The following STXBP5L variants were observed in gnomAD, a reference collection of about 807,000 sequenced individuals.
STXBP5L encodes the protein syntaxin binding protein 5L.
Under a neutral mutation model 144.5 loss-of-function variants are expected in STXBP5L, and 65 were observed. The ratio of observed to expected loss-of-function variants is 0.45; its 90% CI spans 0.37 to 0.55. STXBP5L has a LOEUF of 0.55. STXBP5L is among the 20% of genes least tolerant of loss of function. The probability of loss-of-function intolerance (pLI) is 0.00; values close to 1 mark genes in which losing one functional copy is unlikely to be tolerated. For missense variants in STXBP5L, 1,298 were observed against 1,405.5 expected, an observed-to-expected ratio of 0.92 and a Z score of 1.22; for synonymous variants, 505 against 469.6, an observed-to-expected ratio of 1.08 and a Z score of -0.97.
At chr3:120,908,447 TTGA>T in intron 1 of STXBP5L, 113 bp downstream of exon 1, 4 of 155,814 alleles carry the variant, frequency 2.6e-5, no homozygotes, top group South Asian at 1.9e-4. Context: ...GTGTGTGTGT[TTGA>T]GAGAGAGAGA....
At chr3:120,999,938 C>T (rs1223108189) in intron 3 of STXBP5L, among the ~76,000 whole-genome samples, 7 of 152,108 alleles carry the variant, frequency 4.6e-5, no homozygotes, top group Admixed American at 6.6e-5. Flanking sequence ...ATATAGGCCC[C>T]CAGTCTTTTC....
intron 3 of STXBP5L, among the ~76,000 whole-genome samples, chr3:120,966,057 C>T (rs776139486): frequency 2.0e-4 from 30 of 152,100 alleles, no homozygotes; most frequent in Admixed American, 3.3e-4. Context: ...CCCTTTCTTC[C>T]ACTTGATCGA....
chr3:121,125,908 A>G (rs2044684533), intron 7 of STXBP5L, among the ~76,000 whole-genome samples: 2 of 152,076 alleles, frequency 1.3e-5, no homozygotes, highest in South Asian at 4.1e-4. Context: ...ACAAGTAATA[A>G]ATTCTTCCTC....
intron 22 of STXBP5L, among the ~76,000 whole-genome samples, chr3:121,391,832 G>A (rs766420353): frequency 6.6e-6 from 1 of 152,194 alleles, no homozygotes; most frequent in Non-Finnish European, 1.5e-5. Flanking sequence ...CTACTGGGAG[G>A]TGTCTTCCAG....
intron 7 of STXBP5L, among the ~76,000 whole-genome samples, chr3:121,135,730 C>G (rs908023348): frequency 6.6e-6 from 1 of 152,160 alleles, no homozygotes; most frequent in African/African-American, 2.4e-5. Flanking sequence ...CATTCACCTC[C>G]TGCTGTGTGG....
At chr3:121,013,058 T>G (rs1296374894) in intron 3 of STXBP5L, among the ~76,000 whole-genome samples, 1 of 151,950 alleles carries the variant, frequency 6.6e-6, no homozygotes, top group African/African-American at 2.4e-5. Context: ...TAGTATTGCA[T>G]GGTGTATATG....
chr3:120,968,739 A>G (rs1476820601), intron 3 of STXBP5L, among the ~76,000 whole-genome samples: 1 of 152,100 alleles, frequency 6.6e-6, no homozygotes, highest in Non-Finnish European at 1.5e-5. Flanking sequence ...TCCAAAGTCC[A>G]TTATATCACT....
chr3:121,097,934 G>A (rs976601675), intron 5 of STXBP5L, among the ~76,000 whole-genome samples: 4 of 152,024 alleles, frequency 2.6e-5, no homozygotes, highest in East Asian at 3.9e-4. Flanking sequence ...GTTGGTTTAC[G>A]TTGAACGTAA....
intron 12 of STXBP5L, 71 bp from the exon 13 acceptor site, chr3:121,238,900 T>C: frequency 7.2e-7 from 1 of 1,384,382 alleles, no homozygotes. Flanking sequence ...ATTTTAGGGC[T>C]TACTTTATCA....
At chr3:121,191,359 G>A (rs538080814) in intron 9 of STXBP5L, among the ~76,000 whole-genome samples, 23 of 152,304 alleles carry the variant, frequency 1.5e-4, no homozygotes, top group African/African-American at 4.1e-4. Context: ...CCAACACGGC[G>A]AAACCCTGTC....
At chr3:121,208,046 C>A (rs1377661230) in intron 10 of STXBP5L, among the ~76,000 whole-genome samples, 1 of 152,118 alleles carries the variant, frequency 6.6e-6, no homozygotes, top group Admixed American at 6.5e-5. Flanking sequence ...ATGTTTATTG[C>A]AGCACTATTC....
intron 5 of STXBP5L, among the ~76,000 whole-genome samples, chr3:121,090,848 T>C (rs2042747370): frequency 6.6e-6 from 1 of 152,118 alleles, no homozygotes; most frequent in South Asian, 2.1e-4. Context: ...TACATATGTA[T>C]ACATGTGACA....
chr3:121,041,713 G>T lies in STXBP5L; in HGVS notation c.301G>T (p.Gly101Cys), dbSNP rs375372992. Reference sequence around the variant, plus strand: ...TTATTATATTAGACTCGGGAGACCTGGTGTTGATTGCTATTGCCAACATGA... The same window carrying T: ...TTATTATATTAGACTCGGGAGACCTTGTGTTGATTGCTATTGCCAACATGA... ...TGAIRILGRP[G>C]VDCYCQHESG... Residue 101 changes from glycine to cysteine, a missense_variant, in exon 4 of 27, where the codon GGT becomes TGT. Gly to Cys is a radical substitution (Grantham distance 159). Transcript: ENST00000471454. The T allele has an allele frequency of 9.9e-6, 16 of 1,611,928 alleles. No homozygotes were observed. Among genetic ancestry groups the T allele is most frequent in the Non-Finnish European group, 1.3e-5 (15 of 1,178,600 alleles).
intron 20 of STXBP5L, among the ~76,000 whole-genome samples, chr3:121,367,316 G>T (rs569150607): frequency 2.6e-5 from 4 of 152,022 alleles, no homozygotes; most frequent in African/African-American, 9.7e-5. Context: ...CTTACAGGGC[G>T]GATCTGGTGG....
At chr3:121,243,220 G>A (rs1269200879) in intron 14 of STXBP5L, among the ~76,000 whole-genome samples, 1 of 152,160 alleles carries the variant, frequency 6.6e-6, no homozygotes, top group Non-Finnish European at 1.5e-5. Flanking sequence ...ATTCCTGGGT[G>A]CCACTGAGAG....
intron 20 of STXBP5L, chr3:121,324,552 A>G (rs1243469277): frequency 1.4e-6 from 1 of 698,692 alleles, no homozygotes; most frequent in Admixed American, 2.0e-5. Flanking sequence ...AATATCAGCT[A>G]TGAGACAGAG....
At chr3:121,418,657 C>T (rs1270482016) in intron 26 of STXBP5L, 100 bp downstream of exon 26, 2 of 1,106,502 alleles carry the variant, frequency 1.8e-6, no homozygotes, top group East Asian at 5.1e-5. Flanking sequence ...CATAAGTAAT[C>T]CTGTATGAGA....
chr3:121,065,613 A>G (rs9859088), intron 5 of STXBP5L, among the ~76,000 whole-genome samples: 15,116 of 152,180 alleles, frequency 0.099, 1,186 homozygotes, highest in Admixed American at 0.2. Flanking sequence ...TCACTATGTT[A>G]TTCAGGCTGG....
Position 121,159,865 on chromosome 3 carries a change from C to A in STXBP5L, c.877+2238C>A, listed in dbSNP as rs573266805. On this transcript the variant is annotated intron_variant, in intron 9 of 26. Transcript: ENST00000471454. The stretch of plus-strand genomic sequence containing the variant: ...GCCAGGATGGTCTCGATCTCCTGAC[C>A]TCGTGATCCGCCCGCCTCAGCCTCC... Among the ~76,000 whole-genome samples, 889 of 152,080 alleles carry A rather than the reference C, an allele frequency of 5.8e-3. 6 individuals carry two copies. Among genetic ancestry groups the A allele is most frequent in the Non-Finnish European group, 9.4e-3 (642 of 67,938 alleles).
Sources: gnomAD v4.1 joint callset for allele counts (sites outside exome capture counted in the v4.1 genomes callset) on GRCh38, gnomAD v4.1.1 for gene constraint, MANE v1.5 for transcripts, NCBI Gene and HGNC (gene_info 2026-07-23, HGNC 2026-07-21) for gene names.